The following USP54 variants were observed in gnomAD, a reference collection of about 807,000 sequenced individuals.
The protein encoded by USP54 is ubiquitin specific peptidase 54, also known as ubiquitin carboxyl-terminal hydrolase 54.
USP54 carries 87 observed loss-of-function variants against 170.5 expected under a neutral mutation model. The observed-to-expected ratio is 0.51, with a 90% confidence interval of 0.43 to 0.61. The LOEUF (loss-of-function observed/expected upper bound fraction) is 0.61, where lower values mean the gene tolerates loss of function less well. Among genes scored for constraint, USP54 ranks in the 20% least tolerant of loss-of-function variants. The pLI is 0.00. For synonymous variants in USP54, 655 were observed against 742.8 expected (o/e 0.88, Z 1.92); for missense variants, 1,786 against 2,047.8 (o/e 0.87, Z 2.47).
chr10:73,605,127 C>T (rs138891572), intron 1 of USP54, among the ~76,000 whole-genome samples: 5,832 of 152,234 alleles, frequency 0.038, 182 homozygotes, highest in Non-Finnish European at 0.063. Flanking sequence ...GTTTACAATC[C>T]TCTAGCTAGA....
chr10:73,540,559 G>T (rs1361523842), intron 9 of USP54, among the ~76,000 whole-genome samples: 1 of 152,182 alleles, frequency 6.6e-6, no homozygotes, highest in Non-Finnish European at 1.5e-5. Context: ...GACAGAGCAA[G>T]ACTCCATCTC....
intron 1 of USP54, chr10:73,611,764 TC>T (rs2080168761): frequency 6.6e-6 from 1 of 150,978 alleles, no homozygotes; most frequent in Non-Finnish European, 1.5e-5. Context: ...GCCACTGCAC[TC>T]CGTCTGGGCA....
In USP54 at chr10:73,510,903, G is replaced by A. The variant is rs368820661; in HGVS notation, c.4051+5472C>T. On this transcript the variant is annotated intron_variant, in intron 20 of 23. Transcript: ENST00000687698. ...AGAGCAGTGTTTATATAACACTTTA[G>A]GAACTACGATTATGTCAAAATTAAT... Among the ~76,000 whole-genome samples the A allele has an allele frequency of 1.8e-4, 27 of 152,064 alleles. No homozygotes were observed. In the East Asian group the frequency reaches 1.9e-3, roughly 11 times the overall value.
At chr10:73,569,932 A>C (rs1270827653) in intron 4 of USP54, among the ~76,000 whole-genome samples, 3 of 142,866 alleles carry the variant, frequency 2.1e-5, no homozygotes, top group South Asian at 2.4e-4. Flanking sequence ...AAAAAAAAAA[A>C]AAAAAAAACA....
chr10:73,529,430 C>T, intron 15 of USP54: 1 of 499,530 alleles, frequency 2.0e-6, no homozygotes, highest in Non-Finnish European at 3.6e-6. Flanking sequence ...TGCACATATG[C>T]CCCCTGAACC....
chr10:73,517,815 A>C, intron 19 of USP54, 68 bp from the exon 20 acceptor site: 1 of 1,503,734 alleles, frequency 6.7e-7, no homozygotes, highest in Non-Finnish European at 9.0e-7. Context: ...GAAAGAACTC[A>C]ACATTCCATT....
chr10:73,574,869 G>GAAAGA (rs745659596), intron 3 of USP54, among the ~76,000 whole-genome samples: 126 of 149,092 alleles, frequency 8.5e-4, no homozygotes, highest in Admixed American at 1.6e-3. Flanking sequence ...AAAAAAAAAA[G>GAAAGA]AAAGAAAAGA....
At chr10:73,564,533 A>C (rs370250476) in intron 4 of USP54, among the ~76,000 whole-genome samples, 48 of 151,772 alleles carry the variant, frequency 3.2e-4, no homozygotes, top group African/African-American at 1.1e-3. Flanking sequence ...CTTAATTATT[A>C]GTTTTATAAT....
intron 1 of USP54, among the ~76,000 whole-genome samples, chr10:73,623,814 C>T (rs2081269272): frequency 6.6e-6 from 1 of 152,058 alleles, no homozygotes; most frequent in African/African-American, 2.4e-5. Context: ...AATTCCAAGG[C>T]AAAGATCGAG....
In USP54 at chr10:73,530,432, G is replaced by T. The variant is rs753009345; in HGVS notation, c.1539C>A (p.Ser513Arg). ...NRLRDFKETVSNMIHNRPSLA... is the reference protein window; with the variant it reads ...NRLRDFKETVRNMIHNRPSLA... ...GGGATGGTCTGTTATGGATCATATT[G>T]CTGACTGTCTCTTTAAAATCTCTCA... The change falls in exon 14 of 24, where the codon AGC becomes AGA. Residue 513 changes from serine to arginine, a missense_variant. Transcript: ENST00000687698. 11 of 1,614,206 alleles carry T rather than the reference G, an allele frequency of 6.8e-6. No individual in the cohort carries two copies. The highest frequency in any genetic ancestry group is 9.3e-6 in the Non-Finnish European group (11 of 1,180,038).
chr10:73,595,258 G>A (rs1326084552), upstream of USP54, among the ~76,000 whole-genome samples: 1 of 152,120 alleles, frequency 6.6e-6, no homozygotes. Context: ...GTCTCACTAT[G>A]TTGCCCAGGC....
intron 1 of USP54, among the ~76,000 whole-genome samples, chr10:73,604,044 T>G (rs1392117748): frequency 6.6e-6 from 1 of 151,336 alleles, no homozygotes; most frequent in African/African-American, 2.4e-5. Flanking sequence ...AGGTCAGGAG[T>G]TCGAGACCAG....
rs1321070596 is a variant in USP54 at position 73,516,465 on chromosome 10, A to T, written c.3961T>A (p.Ser1321Thr). The change falls in exon 20 of 24, where the codon TCT (serine) becomes ACT (threonine). Residue 1321 changes from serine (S) to threonine (T), a missense_variant. Ser to Thr is a moderately conservative substitution (Grantham distance 58). Transcript: ENST00000687698. Reference sequence around the variant, plus strand: ...GCCTGAAGACTGGCCTGATACAGAGACTCCAATTCTGAGGTCTCCTGCTCT... The same window carrying T: ...GCCTGAAGACTGGCCTGATACAGAGTCTCCAATTCTGAGGTCTCCTGCTCT... ...DTEQETSELE[S>T]LYQASLQASQ... 6.2e-7 allele frequency: 1 copy of T among 1,613,762 alleles called. No homozygotes were observed. Among genetic ancestry groups the T allele is most frequent in the Non-Finnish European group, 8.5e-7 (1 of 1,179,940 alleles).
At chr10:73,528,904 T>C (rs1182492995) in intron 15 of USP54, 2 of 152,214 alleles carry the variant, frequency 1.3e-5, no homozygotes, top group Admixed American at 6.5e-5. Context: ...ATACCCATCA[T>C]CTCATATAGT....
chr10:73,523,562 C>T (rs2133339634), intron 17 of USP54, 21 bp downstream of exon 17: 2 of 1,579,326 alleles, frequency 1.3e-6, no homozygotes, highest in East Asian at 2.3e-5. Flanking sequence ...TCACCCACAA[C>T]CTAATGCTCA....
At chr10:73,617,389 G>A (rs2080728336) in intron 1 of USP54, among the ~76,000 whole-genome samples, 1 of 149,036 alleles carries the variant, frequency 6.7e-6, no homozygotes, top group Non-Finnish European at 1.5e-5. Context: ...CCAGGAGGCG[G>A]AGGTTGCAGT....
chr10:73,587,863 A>G (rs7070431), intron 1 of USP54, among the ~76,000 whole-genome samples: 7,573 of 152,312 alleles, frequency 0.05, 579 homozygotes, highest in African/African-American at 0.17. Context: ...GAAGAATAAG[A>G]TGAATCTACA....
At chr10:73,525,791 A>G (rs1018892610) in intron 16 of USP54, among the ~76,000 whole-genome samples, 2 of 152,238 alleles carry the variant, frequency 1.3e-5, no homozygotes, top group African/African-American at 2.4e-5. Context: ...TTTAGTATAC[A>G]TACCTAAAAG....
intron 1 of USP54, among the ~76,000 whole-genome samples, chr10:73,577,938 G>C (rs1355291000): frequency 6.6e-6 from 1 of 152,120 alleles, no homozygotes; most frequent in Non-Finnish European, 1.5e-5. Flanking sequence ...CATTCCTTCA[G>C]CTCAACTGCT....
Sources: allele counts gnomAD v4.1 joint callset (sites outside exome capture counted in the v4.1 genomes callset), GRCh38; gene constraint gnomAD v4.1.1; transcripts MANE v1.5; gene names NCBI Gene and HGNC (gene_info 2026-07-23, HGNC 2026-07-21).